The following TRAK2 variants were observed in gnomAD, a reference collection of about 807,000 sequenced individuals.
TRAK2 encodes the protein trafficking kinesin protein 2.
TRAK2 carries 81 observed loss-of-function variants against 104.6 expected under a neutral mutation model. The observed-to-expected ratio is 0.77, with a 90% CI of 0.65 to 0.93. TRAK2 has a LOEUF of 0.93. Ranked by LOEUF, TRAK2 falls within the 40% of genes least tolerant of loss-of-function variation. The pLI, the probability that TRAK2 is intolerant of heterozygous loss-of-function variation, is 0.00. For synonymous variants in TRAK2, 406 were observed against 394.4 expected (o/e 1.03, Z -0.35); for missense variants, 1,002 against 1,089.0 (o/e 0.92, Z 1.12).
At position 201,380,295 on chromosome 2, in the gene TRAK2, A is replaced by T. The variant is rs184526503; in HGVS notation, c.*248T>A. On this transcript the variant is annotated 3_prime_UTR_variant, in exon 16 of 16. Transcript: ENST00000332624. ...TGTTCAAGACAAGAAAACTCAACTG[A>T]AGGAGTATATTAAACCTTTCTTTTC... The T allele has an allele frequency of 3.6e-4, 186 of 519,656 alleles. No individual in the cohort carries two copies. In the East Asian group the frequency reaches 5.2e-3, roughly 15 times the overall value. 32.2% of individuals were successfully genotyped at this position (519,656 alleles called of 1,614,324 possible).
At chr2:201,411,497 T>C in intron 2 of TRAK2, 2 of 744,632 alleles carry the variant, frequency 2.7e-6, no homozygotes, top group East Asian at 5.0e-5. Context: ...TTATATGAAG[T>C]TGCTCCAGCT....
intron 1 of TRAK2, among the ~76,000 whole-genome samples, chr2:201,423,266 A>G (rs1323708589): frequency 6.6e-6 from 1 of 152,196 alleles, no homozygotes; most frequent in Non-Finnish European, 1.5e-5. Flanking sequence ...GAACTCAGAA[A>G]ATTTTAATAA....
At chr2:201,423,246 T>C (rs1197079428) in intron 1 of TRAK2, among the ~76,000 whole-genome samples, 3 of 152,180 alleles carry the variant, frequency 2.0e-5, no homozygotes, top group Non-Finnish European at 4.4e-5. Context: ...GCCCTAATTT[T>C]TCTATATTTG....
intron 10 of TRAK2, among the ~76,000 whole-genome samples, chr2:201,390,660 A>G (rs1489331132): frequency 6.6e-6 from 1 of 151,938 alleles, no homozygotes; most frequent in Non-Finnish European, 1.5e-5. Flanking sequence ...AGAACAAGCA[A>G]GCTTCCTCTT....
intron 1 of TRAK2, among the ~76,000 whole-genome samples, chr2:201,448,147 T>C (rs1226600244): frequency 6.6e-6 from 1 of 152,232 alleles, no homozygotes; most frequent in Non-Finnish European, 1.5e-5. Flanking sequence ...GAGCAAGTCA[T>C]TACATGCTGA....
intron 15 of TRAK2, among the ~76,000 whole-genome samples, chr2:201,381,701 T>G (rs1951346932): frequency 6.6e-6 from 1 of 152,216 alleles, no homozygotes; most frequent in African/African-American, 2.4e-5. Context: ...TCTTTCACAA[T>G]TAAACATGAA....
intron 1 of TRAK2, among the ~76,000 whole-genome samples, chr2:201,444,697 G>A (rs1446228976): frequency 1.3e-5 from 2 of 151,264 alleles, no homozygotes; most frequent in Non-Finnish European, 1.5e-5. Flanking sequence ...AAACAAATTA[G>A]ATGCCAAGTT....
chr2:201,386,785 C>A (rs972592910), intron 13 of TRAK2, among the ~76,000 whole-genome samples: 1 of 152,082 alleles, frequency 6.6e-6, no homozygotes, highest in Non-Finnish European at 1.5e-5. Context: ...ATGGAAGATA[C>A]GTGCCTAAGA....
At position 201,400,913 on chromosome 2, in the gene TRAK2, C is replaced by T. The variant is rs1255825576; in HGVS notation, c.363+105G>A. Reference sequence around the variant, plus strand: ...GTAGCAACAACCTTATACAAAATAACCCAGAGCACGTACAACATTTTCCAT... The same window carrying T: ...GTAGCAACAACCTTATACAAAATAATCCAGAGCACGTACAACATTTTCCAT... On this transcript the variant is annotated intron_variant, in intron 4 of 15. Coordinates refer to ENST00000332624, the MANE Select transcript of TRAK2 (RefSeq NM_015049.3). The T allele has an allele frequency of 7.2e-5, 57 of 796,486 alleles. 1 individual carries two copies. The South Asian group carries it at 9.0e-4, about 13-fold the overall frequency. 49.3% of individuals were successfully genotyped at this position (796,486 alleles called of 1,614,324 possible).
At chr2:201,417,241 C>CAAAAAAAAAAAAAAAAAAAGAA (rs61702415) in intron 2 of TRAK2, among the ~76,000 whole-genome samples, 1 of 88,432 alleles carries the variant, frequency 1.1e-5, no homozygotes, top group African/African-American at 4.7e-5. Context: ...GAAGACATTG[C>CAAAAAAAAAAAAAAAAAAAGAA]AAAAAAAAAA....
Position 201,426,107 on chromosome 2 carries a change from G to A in TRAK2, c.-199-5401C>T, listed in dbSNP as rs192367269. On this transcript the variant is annotated intron_variant, in intron 1 of 15. Coordinates refer to ENST00000332624, the MANE Select transcript of TRAK2 (RefSeq NM_015049.3). ...CTGTGCCATAGAACTGTACCCATCT[G>A]TGGCCTGTCAGGAACCAGGCTGCAT... 4.6e-5 allele frequency among the ~76,000 whole-genome samples: 7 copies of A among 152,278 alleles called. No homozygotes were observed. In the East Asian group the frequency reaches 1.4e-3, roughly 29 times the overall value.
intron 1 of TRAK2, among the ~76,000 whole-genome samples, chr2:201,438,739 A>G (rs1162492968): frequency 6.6e-6 from 1 of 152,146 alleles, no homozygotes; most frequent in African/African-American, 2.4e-5. Flanking sequence ...AAAACAAGTA[A>G]TCCGCTCCCC....
At chr2:201,438,852 G>A (rs977033972) in intron 1 of TRAK2, among the ~76,000 whole-genome samples, 8 of 152,208 alleles carry the variant, frequency 5.3e-5, no homozygotes, top group African/African-American at 1.9e-4. Flanking sequence ...CTGTGTGTGT[G>A]TTGTATGTAC....
intron 14 of TRAK2, among the ~76,000 whole-genome samples, chr2:201,384,824 G>A (rs1208167156): frequency 3.3e-5 from 5 of 152,148 alleles, no homozygotes; most frequent in South Asian, 2.1e-4. Flanking sequence ...GATCTTGGCC[G>A]TTGAGTCTTT....
rs1951388844 is a variant in TRAK2, at chr2:201,386,232, C to A, written c.1949G>T (p.Gly650Val). 6.2e-7 allele frequency: 1 copy of A among 1,614,146 alleles called. No homozygotes were observed. The highest frequency in any genetic ancestry group is 1.6e-4 in the Middle Eastern group (1 of 6,062). ...GIFLPPITSA[G>V]GPVTVATANP... Reference sequence around the variant, plus strand: ...ACTCTTCTCACCTGTAACTGGTCCACCTGCTGAAGTAATGGGTGGCAGGAA... The same window carrying A: ...ACTCTTCTCACCTGTAACTGGTCCAACTGCTGAAGTAATGGGTGGCAGGAA... Residue 650 changes from glycine (G) to valine (V), a missense_variant, in exon 14 of 16, where the codon GGT (glycine) becomes GTT (valine). Transcript: ENST00000332624.
intron 14 of TRAK2, 106 bp from the exon 15 acceptor site, chr2:201,384,322 T>C (rs1327890453): frequency 2.3e-6 from 2 of 856,116 alleles, no homozygotes; most frequent in African/African-American, 3.5e-5. Context: ...AAGTACCTTT[T>C]GTATTAAAAA....
At chr2:201,392,861 T>C (rs1951459800) in intron 10 of TRAK2, 48 bp downstream of exon 10, 4 of 1,554,018 alleles carry the variant, frequency 2.6e-6, no homozygotes, top group Non-Finnish European at 3.5e-6. Context: ...GACAAACTAA[T>C]CTTAAACAAA....
intron 14 of TRAK2, among the ~76,000 whole-genome samples, chr2:201,385,321 C>A (rs781513040): frequency 1.2e-4 from 18 of 151,648 alleles, no homozygotes; most frequent in Non-Finnish European, 1.9e-4. Context: ...ATGTAGGATA[C>A]GACCAATGCA....
At chr2:201,417,322 G>A (rs1179771496) in intron 2 of TRAK2, among the ~76,000 whole-genome samples, 4 of 146,932 alleles carry the variant, frequency 2.7e-5, no homozygotes, top group Non-Finnish European at 6.0e-5. Context: ...GAAGGACACA[G>A]ACACACACAC....
Sources: allele counts gnomAD v4.1 joint callset (sites outside exome capture counted in the v4.1 genomes callset), GRCh38; gene constraint gnomAD v4.1.1; transcripts MANE v1.5; gene names NCBI Gene and HGNC (gene_info 2026-07-23, HGNC 2026-07-21).